The following FANCC variants were observed in gnomAD, a reference collection of about 807,000 sequenced individuals.
FANCC encodes FA complementation group C.
A neutral mutation model predicts 71.3 loss-of-function variants in FANCC; 55 were observed. The ratio of observed to expected loss-of-function variants is 0.77; its 90% CI spans 0.62 to 0.97. The LOEUF is 0.97. Among genes scored for constraint, FANCC ranks in the 50% least tolerant of loss-of-function variants. The probability of loss-of-function intolerance (pLI) is 0.00; values close to 1 mark genes in which losing one functional copy is unlikely to be tolerated. For missense variants in FANCC, 678 were observed against 670.9 expected, an observed-to-expected ratio of 1.01 and a Z score of -0.12; for synonymous variants, 275 against 244.9, an observed-to-expected ratio of 1.12 and a Z score of -1.15.
chr9:95,200,576 T>G (rs775057471), intron 4 of FANCC, among the ~76,000 whole-genome samples: 1 of 152,148 alleles, frequency 6.6e-6, no homozygotes, highest in Non-Finnish European at 1.5e-5. Flanking sequence ...ATTTACCAAA[T>G]GGGGAATTTC....
chr9:95,267,374 A>C (rs943137168), intron 1 of FANCC, among the ~76,000 whole-genome samples: 2 of 152,144 alleles, frequency 1.3e-5, no homozygotes, highest in Non-Finnish European at 2.9e-5. Flanking sequence ...CCAGGTAACT[A>C]AGCCCCCACT....
chr9:95,260,540 G>A lies in FANCC; in HGVS notation c.-78-11171C>T, dbSNP rs188446892. On this transcript the variant is annotated intron_variant, in intron 1 of 14. Coordinates refer to ENST00000289081, the MANE Select transcript of FANCC (RefSeq NM_000136.3). ...AACATCACACACCGGGGCCTGTCAGGGGGTTGGGGGACTAGGAAAGGGATA... is the reference window on the plus strand; with the variant it reads ...AACATCACACACCGGGGCCTGTCAGAGGGTTGGGGGACTAGGAAAGGGATA... Among the ~76,000 whole-genome samples, 36 of 152,222 alleles carry A rather than the reference G, an allele frequency of 2.4e-4. No homozygotes were observed. In the East Asian group the frequency reaches 6.8e-3, roughly 29 times the overall value.
intron 6 of FANCC, among the ~76,000 whole-genome samples, chr9:95,152,430 T>A (rs766895912): frequency 4.6e-5 from 7 of 152,150 alleles, no homozygotes; most frequent in Admixed American, 1.3e-4. Flanking sequence ...GAAGAAAACA[T>A]TGCAGACAGA....
At chr9:95,312,262 G>A (rs1012833812) in intron 1 of FANCC, among the ~76,000 whole-genome samples, 4 of 152,228 alleles carry the variant, frequency 2.6e-5, no homozygotes, top group African/African-American at 9.6e-5. Context: ...TCTTGAGGAA[G>A]TTCAGAGCAA....
intron 4 of FANCC, among the ~76,000 whole-genome samples, chr9:95,192,166 T>C (rs1467784306): frequency 2.0e-5 from 3 of 152,220 alleles, no homozygotes; most frequent in African/African-American, 7.2e-5. Context: ...GCTTCAGCCA[T>C]GTCAAGCTGG....
At chr9:95,256,300 G>T (rs570144103) in intron 1 of FANCC, among the ~76,000 whole-genome samples, 2 of 152,160 alleles carry the variant, frequency 1.3e-5, no homozygotes, top group South Asian at 4.1e-4. Context: ...GAGAAAGGTC[G>T]GGTTACCCAC....
At chr9:95,245,683 G>C (rs892882101) in intron 3 of FANCC, among the ~76,000 whole-genome samples, 8 of 151,840 alleles carry the variant, frequency 5.3e-5, no homozygotes, top group African/African-American at 1.7e-4. Context: ...AATCGCCTGA[G>C]GTCAGGAGTT....
chr9:95,157,523 T>C (rs949911120), intron 6 of FANCC, among the ~76,000 whole-genome samples: 5 of 152,220 alleles, frequency 3.3e-5, no homozygotes, highest in Non-Finnish European at 7.4e-5. Context: ...GAAGCTACAA[T>C]ACAACCACAC....
chr9:95,240,786 A>C (rs777020951), intron 3 of FANCC, 43 bp from the exon 4 acceptor site: 2 of 1,155,192 alleles, frequency 1.7e-6, no homozygotes, highest in Admixed American at 3.4e-5. Flanking sequence ...AGCAGAAAAA[A>C]TCATTAATAT....
intron 4 of FANCC, among the ~76,000 whole-genome samples, chr9:95,206,163 G>T (rs1046378569): frequency 2.0e-5 from 3 of 152,208 alleles, no homozygotes; most frequent in African/African-American, 7.2e-5. Context: ...CGAAAATTTA[G>T]AGGAGGAGGC....
intron 11 of FANCC, among the ~76,000 whole-genome samples, chr9:95,116,891 A>G (rs1185725209): frequency 2.6e-5 from 4 of 152,214 alleles, no homozygotes; most frequent in African/African-American, 9.6e-5. Flanking sequence ...GCATTTCCTC[A>G]GCTTCATCCA....
intron 3 of FANCC, among the ~76,000 whole-genome samples, chr9:95,242,191 T>C (rs1830670815): frequency 6.6e-6 from 1 of 152,214 alleles, no homozygotes; most frequent in Non-Finnish European, 1.5e-5. Flanking sequence ...CTAGCTTTTA[T>C]GAGCTCAAAT....
chr9:95,199,132 T>C (rs996355573), intron 4 of FANCC, among the ~76,000 whole-genome samples: 6 of 152,166 alleles, frequency 3.9e-5, no homozygotes, highest in African/African-American at 1.4e-4. Flanking sequence ...ACATCTGTTA[T>C]TAAAAACCGG....
intron 3 of FANCC, among the ~76,000 whole-genome samples, chr9:95,242,680 AAACT>A (rs1830710080): frequency 1.3e-5 from 2 of 152,168 alleles, no homozygotes; most frequent in Admixed American, 1.3e-4. Context: ...GGAGCCAGAG[AAACT>A]TCCACCCAAC....
At chr9:95,112,350 G>A (rs1467086810) in intron 12 of FANCC, among the ~76,000 whole-genome samples, 1 of 152,202 alleles carries the variant, frequency 6.6e-6, no homozygotes, top group Admixed American at 6.5e-5. Context: ...GCTGGAACAG[G>A]AGTGTTCCTG....
chr9:95,156,111 T>G (rs1052684143), intron 6 of FANCC, among the ~76,000 whole-genome samples: 1 of 152,094 alleles, frequency 6.6e-6, no homozygotes, highest in Non-Finnish European at 1.5e-5. Context: ...TTATAATTGG[T>G]TTTTGGTGTT....
rs370994431 is a variant in FANCC, at chr9:95,123,847, A to G, written c.996+1239T>C. 1.8e-5 allele frequency: 11 copies of G among 627,942 alleles called. No homozygotes were observed. In the African/African-American group the frequency reaches 1.8e-4, roughly 10 times the overall value. The allele number at this position is 627,942 out of a possible 1,614,324, so 38.9% of individuals were successfully genotyped here. A position where few individuals can be genotyped will look rare whatever the true frequency, so the allele number is the denominator to read the frequency against. The stretch of plus-strand genomic sequence containing the variant: ...TTAGACCTGCGGATGCTGCCCCACA[A>G]CCCCCACCAAAGCCCACGTAAGGAG... On this transcript the variant is annotated intron_variant, in intron 10 of 14. Coordinates refer to ENST00000289081, the MANE Select transcript of FANCC (RefSeq NM_000136.3).
chr9:95,263,033 C>T (rs1832149461), intron 1 of FANCC, among the ~76,000 whole-genome samples: 1 of 152,192 alleles, frequency 6.6e-6, no homozygotes, highest in African/African-American at 2.4e-5. Context: ...AATGGTTAAA[C>T]AATGTTAATG....
intron 7 of FANCC, among the ~76,000 whole-genome samples, chr9:95,148,023 T>G (rs749485893): frequency 6.6e-6 from 1 of 152,176 alleles, no homozygotes; most frequent in African/African-American, 2.4e-5. Context: ...TTTGCACTGA[T>G]AGCGCAAAAG....
Sources: allele counts gnomAD v4.1 joint callset (sites outside exome capture counted in the v4.1 genomes callset), GRCh38; gene constraint gnomAD v4.1.1; transcripts MANE v1.5; gene names NCBI Gene and HGNC (gene_info 2026-07-23, HGNC 2026-07-21).